EYS: variants seen among roughly 807,000 people sequenced by gnomAD.
The protein encoded by EYS is protein eyes shut homolog.
In EYS, 250 loss-of-function variants were observed where a neutral mutation model predicts 282.1. The ratio of observed to expected loss-of-function variants is 0.89; its 90% CI spans 0.80 to 0.98. The LOEUF (loss-of-function observed/expected upper bound fraction) is 0.98, where lower values mean the gene tolerates loss of function less well. Ranked by LOEUF, EYS falls within the 50% of genes least tolerant of loss-of-function variation. EYS has a pLI of 0.00. For missense variants in EYS, 4,016 were observed against 3,709.0 expected, an observed-to-expected ratio of 1.08 and a Z score of -2.15; for synonymous variants, 1,355 against 1,282.9, an observed-to-expected ratio of 1.06 and a Z score of -1.20.
At chr6:64,108,507 CTTTTT>C (rs530004392) in intron 31 of EYS, among the ~76,000 whole-genome samples, 1 of 116,850 alleles carries the variant, frequency 8.6e-6, no homozygotes, top group Admixed American at 8.8e-5. Flanking sequence ...TCCACTACTG[CTTTTT>C]TTTTTTTTTT....
chr6:65,143,662 A>C (rs1764405485), intron 12 of EYS, among the ~76,000 whole-genome samples: 1 of 152,074 alleles, frequency 6.6e-6, no homozygotes, highest in Non-Finnish European at 1.5e-5. Flanking sequence ...CCTCCAAGAC[A>C]TAGCTTCTCT....
chr6:64,132,998 TTACTC>T (rs1562217696), intron 31 of EYS, among the ~76,000 whole-genome samples: 1 of 152,010 alleles, frequency 6.6e-6, no homozygotes, highest in Non-Finnish European at 1.5e-5. Flanking sequence ...TTAGTAGACA[TTACTC>T]TACACACTGA....
At chr6:64,307,900 C>G (rs929422576) in intron 29 of EYS, among the ~76,000 whole-genome samples, 2 of 151,900 alleles carry the variant, frequency 1.3e-5, no homozygotes, top group Non-Finnish European at 2.9e-5. Flanking sequence ...AAGAATGTCA[C>G]CTTATTCATC....
At chr6:65,454,879 C>T (rs527659724) in intron 5 of EYS, among the ~76,000 whole-genome samples, 19 of 152,144 alleles carry the variant, frequency 1.2e-4, no homozygotes, top group African/African-American at 4.3e-4. Flanking sequence ...TGTTTTTATG[C>T]CAGTACCATG....
At chr6:65,507,350 C>T (rs571486400) in intron 2 of EYS, among the ~76,000 whole-genome samples, 35 of 151,838 alleles carry the variant, frequency 2.3e-4, no homozygotes, top group African/African-American at 8.2e-4. Context: ...AAGATTTTTC[C>T]TTTGTCTTTC....
chr6:64,561,378 T>C (rs1765389792), intron 26 of EYS, among the ~76,000 whole-genome samples: 2 of 152,052 alleles, frequency 1.3e-5, no homozygotes. Flanking sequence ...AAAGAGAAAG[T>C]CAAACTATCT....
intron 26 of EYS, among the ~76,000 whole-genome samples, chr6:64,466,736 C>T (rs935771225): frequency 1.3e-5 from 2 of 151,900 alleles, no homozygotes; most frequent in African/African-American, 4.8e-5. Context: ...AAAGAGTGTA[C>T]ATTTTAAGTG....
chr6:63,838,641 G>T (rs55869859), intron 36 of EYS, among the ~76,000 whole-genome samples: 1 of 151,976 alleles, frequency 6.6e-6, no homozygotes, highest in Non-Finnish European at 1.5e-5. Context: ...TTCCCCTGTA[G>T]GTGAGAGAGG....
At chr6:64,474,233 G>A (rs1680908703) in intron 26 of EYS, among the ~76,000 whole-genome samples, 1 of 152,090 alleles carries the variant, frequency 6.6e-6, no homozygotes, top group East Asian at 1.9e-4. Flanking sequence ...AGATGTTTCA[G>A]TGACTTCTAT....
intron 5 of EYS, among the ~76,000 whole-genome samples, chr6:65,477,773 T>C (rs1302158496): frequency 6.6e-6 from 1 of 152,162 alleles, no homozygotes; most frequent in Non-Finnish European, 1.5e-5. Context: ...AAATCATACA[T>C]TTCATTTTTA....
At chr6:63,982,255 A>G (rs1269941435) in intron 35 of EYS, among the ~76,000 whole-genome samples, 4 of 151,832 alleles carry the variant, frequency 2.6e-5, no homozygotes, top group Non-Finnish European at 4.4e-5. Flanking sequence ...TTAGCACCTT[A>G]AAAGAACATA....
At chr6:64,610,207 C>A (rs1767064743) in intron 24 of EYS, among the ~76,000 whole-genome samples, 1 of 151,924 alleles carries the variant, frequency 6.6e-6, no homozygotes, top group Admixed American at 6.6e-5. Context: ...TAAGCCATTA[C>A]TTTTTTGAGT....
intron 35 of EYS, among the ~76,000 whole-genome samples, chr6:63,969,868 C>T (rs576531169): frequency 5.3e-5 from 8 of 152,282 alleles, no homozygotes; most frequent in East Asian, 1.9e-4. Context: ...GCTGTTACCA[C>T]GTTTTTTATT....
intron 15 of EYS, among the ~76,000 whole-genome samples, chr6:64,919,206 C>T (rs1474166085): frequency 2.6e-5 from 4 of 152,062 alleles, no homozygotes; most frequent in Non-Finnish European, 4.4e-5. Flanking sequence ...GAGTCTCACT[C>T]TGTCGCCCAG....
intron 12 of EYS, among the ~76,000 whole-genome samples, chr6:65,212,246 G>C (rs947068454): frequency 6.6e-6 from 1 of 151,970 alleles, no homozygotes; most frequent in African/African-American, 2.4e-5. Context: ...AAAATGATGA[G>C]AGATAAACTG....
chr6:65,447,345 T>TATAA (rs1362478272), intron 5 of EYS, among the ~76,000 whole-genome samples: 5 of 141,564 alleles, frequency 3.5e-5, no homozygotes, highest in African/African-American at 1.2e-4. Context: ...TATATATATA[T>TATAA]AAATATATGT....
At chr6:64,274,491 T>TTTTTTGTTTTG (rs1768047899) in intron 30 of EYS, among the ~76,000 whole-genome samples, 1 of 149,262 alleles carries the variant, frequency 6.7e-6, no homozygotes, top group African/African-American at 2.5e-5. Context: ...GTTTTTTTTT[T>TTTTTTGTTTTG]TTTTTTTTTT....
At chr6:65,294,879 A>T (rs1488557965) in intron 12 of EYS, among the ~76,000 whole-genome samples, 1 of 151,942 alleles carries the variant, frequency 6.6e-6, no homozygotes, top group Admixed American at 6.6e-5. Context: ...AATGTGAAGT[A>T]ATATGACCAA....
intron 31 of EYS, among the ~76,000 whole-genome samples, chr6:64,174,263 T>C (rs1490164342): frequency 1.3e-5 from 2 of 152,134 alleles, no homozygotes; most frequent in African/African-American, 2.4e-5. Context: ...AAGATGTAGG[T>C]GAATTTCTTG....
Sources: gnomAD v4.1 joint callset for allele counts (sites outside exome capture counted in the v4.1 genomes callset) on GRCh38, gnomAD v4.1.1 for gene constraint, MANE v1.5 for transcripts, NCBI Gene and HGNC (gene_info 2026-07-23, HGNC 2026-07-21) for gene names.